The following GALNT9 variants were observed in gnomAD, a reference collection of about 807,000 sequenced individuals.
GALNT9 encodes the protein GalNAc transferase 9.
In GALNT9, 47 loss-of-function variants were observed where a neutral mutation model predicts 63.1. The ratio of observed to expected loss-of-function variants is 0.75; its 90% CI spans 0.59 to 0.95. GALNT9 has a LOEUF of 0.95. Ranked by LOEUF, GALNT9 falls within the 40% of genes least tolerant of loss-of-function variation. The pLI is 0.00. For missense variants in GALNT9, 829 were observed against 874.8 expected, an observed-to-expected ratio of 0.95 and a Z score of 0.66; for synonymous variants, 396 against 365.7, an observed-to-expected ratio of 1.08 and a Z score of -0.94.
intron 5 of GALNT9, among the ~76,000 whole-genome samples, chr12:132,249,857 G>A (rs1414346283): frequency 6.6e-6 from 1 of 152,180 alleles, no homozygotes; most frequent in Admixed American, 6.5e-5. Flanking sequence ...GCCTGTCACC[G>A]TGGTGACAGC....
intron 1 of GALNT9, among the ~76,000 whole-genome samples, chr12:132,322,815 C>A (rs1252491733): frequency 6.6e-6 from 1 of 152,220 alleles, no homozygotes; most frequent in African/African-American, 2.4e-5. Flanking sequence ...ACCTTTTAAA[C>A]GACTGGAAAA....
At chr12:132,208,215 T>A (rs1876807845) in intron 6 of GALNT9, among the ~76,000 whole-genome samples, 1 of 151,914 alleles carries the variant, frequency 6.6e-6, no homozygotes, top group Non-Finnish European at 1.5e-5. Flanking sequence ...CACCTAAGGA[T>A]CAGGCAAAAT....
intron 6 of GALNT9, among the ~76,000 whole-genome samples, chr12:132,211,326 A>G (rs961393644): frequency 6.6e-6 from 1 of 152,210 alleles, no homozygotes; most frequent in African/African-American, 2.4e-5. Flanking sequence ...CTCATTGGCA[A>G]AAATGTGTTG....
chr12:132,257,366 C>A (rs1396905506), intron 5 of GALNT9, among the ~76,000 whole-genome samples: 3 of 151,836 alleles, frequency 2.0e-5, no homozygotes, highest in African/African-American at 4.8e-5. Flanking sequence ...CAGCACCCGG[C>A]CCGACACTCA....
chr12:132,230,658 C>T (rs1344962944), intron 6 of GALNT9, among the ~76,000 whole-genome samples: 3 of 152,214 alleles, frequency 2.0e-5, no homozygotes, highest in African/African-American at 4.8e-5. Flanking sequence ...ACCCCTTCCC[C>T]GCAGCCCTTA....
At chr12:132,306,300 C>T (rs868932778) in intron 1 of GALNT9, among the ~76,000 whole-genome samples, 57 of 152,368 alleles carry the variant, frequency 3.7e-4, no homozygotes, top group African/African-American at 1.3e-3. Context: ...CGGTCTAAAC[C>T]ATCCCCAGGT....
At chr12:132,197,720 G>A (rs1875624011) in intron 10 of GALNT9, 72 bp downstream of exon 10, 4 of 1,181,038 alleles carry the variant, frequency 3.4e-6, no homozygotes, top group Non-Finnish European at 4.8e-6. Flanking sequence ...GGCTCTAGTG[G>A]CAGAGGCACC....
At chr12:132,270,545 G>A (rs1225349348) in intron 2 of GALNT9, among the ~76,000 whole-genome samples, 2 of 152,228 alleles carry the variant, frequency 1.3e-5, no homozygotes, top group African/African-American at 4.8e-5. Flanking sequence ...CTGAGTCTAC[G>A]ACTGTAATCA....
chr12:132,283,514 G>A (rs1488415771), intron 2 of GALNT9: 1 of 152,562 alleles, frequency 6.6e-6, no homozygotes, highest in Non-Finnish European at 1.5e-5. Flanking sequence ...TGCCGGAGAG[G>A]ACAGCCCTGC....
chr12:132,259,190 G>A (rs556727169), intron 4 of GALNT9, among the ~76,000 whole-genome samples: 107 of 152,374 alleles, frequency 7.0e-4, no homozygotes, highest in Non-Finnish European at 1.4e-3. Context: ...AGTTACGGGA[G>A]GGGGTGCTAT....
At chr12:132,248,151 C>A in intron 5 of GALNT9, 124 bp from the exon 6 acceptor site, 1 of 1,376,016 alleles carries the variant, frequency 7.3e-7, no homozygotes, top group South Asian at 1.5e-5. Context: ...CCTCCCTGTG[C>A]ACTCAGGTCC....
rs951570977 is a variant in GALNT9 at position 132,319,061 on chromosome 12, G to A, written c.238+9905C>T. 6.6e-6 allele frequency among the ~76,000 whole-genome samples: 1 copy of A among 152,182 alleles called. No homozygotes were observed. Among genetic ancestry groups the A allele is most frequent in the Non-Finnish European group, 1.5e-5 (1 of 68,016 alleles). ...GGAGCAGAGACAGACCTGGGTGTCCGTGGCCGCCACCGAGCCACCAAGCCT... is the reference window on the plus strand; with the variant it reads ...GGAGCAGAGACAGACCTGGGTGTCCATGGCCGCCACCGAGCCACCAAGCCT... On this transcript the variant is annotated intron_variant, in intron 1 of 10. Coordinates refer to ENST00000328957, the MANE Select transcript of GALNT9 (RefSeq NM_001122636.2). The surrounding 1 kb of genome is among the most constrained non-coding windows in gnomAD (Gnocchi z 5.2).
chr12:132,201,075 AGGGCAGAAAGCCTGTC>A (rs1214581476), intron 8 of GALNT9, 33 bp downstream of exon 8: 5 of 1,578,816 alleles, frequency 3.2e-6, no homozygotes, highest in Non-Finnish European at 4.3e-6. Flanking sequence ...TGCAGGAGTC[AGGGCAGAAAGCCTGTC>A]GGGCCGAACG....
chr12:132,234,755 G>C (rs1472612944), intron 6 of GALNT9, among the ~76,000 whole-genome samples: 3 of 20,494 alleles, frequency 1.5e-4, no homozygotes, highest in Non-Finnish European at 2.4e-4. Flanking sequence ...GGAGTCCCTA[G>C]TGCCACACAC....
At chr12:132,210,836 CG>C (rs1565987771) in intron 6 of GALNT9, among the ~76,000 whole-genome samples, 1 of 130,984 alleles carries the variant, frequency 7.6e-6, no homozygotes, top group African/African-American at 2.9e-5. Flanking sequence ...TGGAGGTCGC[CG>C]TCTGGAGGTC....
chr12:132,259,979 C>T (rs1270729623), intron 4 of GALNT9, among the ~76,000 whole-genome samples: 3 of 128,086 alleles, frequency 2.3e-5, no homozygotes, highest in African/African-American at 5.0e-5. Flanking sequence ...ATTGTGGGCG[C>T]GGGGCCTGCC....
At chr12:132,298,251 G>C (rs1246050470) in intron 1 of GALNT9, among the ~76,000 whole-genome samples, 1 of 151,862 alleles carries the variant, frequency 6.6e-6, no homozygotes, top group Non-Finnish European at 1.5e-5. Flanking sequence ...TTGCACCTCA[G>C]AGACAACCAA....
At chr12:132,256,982 T>G (rs1879145324) in intron 5 of GALNT9, among the ~76,000 whole-genome samples, 1 of 152,142 alleles carries the variant, frequency 6.6e-6, no homozygotes, top group Non-Finnish European at 1.5e-5. Flanking sequence ...CCCTGTCCTT[T>G]AGCTGAGAGC....
intron 6 of GALNT9, among the ~76,000 whole-genome samples, chr12:132,218,959 G>A (rs779011740): frequency 2.0e-5 from 3 of 152,042 alleles, no homozygotes; most frequent in African/African-American, 4.8e-5. Context: ...CCCAAGAACC[G>A]CAAATTCCCA....
Sources: gnomAD v4.1 joint callset for allele counts (sites outside exome capture counted in the v4.1 genomes callset) on GRCh38, gnomAD v4.1.1 for gene constraint, Gnocchi (gnomAD v3.1) non-coding constraint, MANE v1.5 for transcripts, NCBI Gene and HGNC (gene_info 2026-07-23, HGNC 2026-07-21) for gene names.